Variants in TBC1D10B observed in about 807,000 individuals in gnomAD.
TBC1D10B encodes the protein TBC1 domain family member 10B.
A neutral mutation model predicts 78.4 loss-of-function variants in TBC1D10B; 25 were observed. The ratio of observed to expected loss-of-function variants is 0.32; its 90% CI spans 0.23 to 0.45. TBC1D10B has a LOEUF of 0.45. TBC1D10B is among the 20% of genes least tolerant of loss of function. The pLI is 1.00. For missense variants in TBC1D10B, 996 were observed against 1,104.8 expected, an observed-to-expected ratio of 0.90 and a Z score of 1.40; for synonymous variants, 517 against 478.0, an observed-to-expected ratio of 1.08 and a Z score of -1.06.
At position 30,359,740 on chromosome 16, in the gene TBC1D10B, T is replaced by C; in HGVS notation, c.1373A>G (p.His458Arg). 6.3e-7 allele frequency: 1 copy of C among 1,584,894 alleles called. No individual in the cohort carries two copies. The change falls in exon 5 of 9, where the codon CAC (histidine) becomes CGC (arginine). Residue 458 changes from histidine (H) to arginine (R), a missense_variant. Transcript: ENST00000409939. Reference sequence around the variant, plus strand: ...CAGGGCGCTGACCTCCGCAGGCATGTGCATGAGCAGGACCGCAGCCACGGG... The same window carrying C: ...CAGGGCGCTGACCTCCGCAGGCATGCGCATGAGCAGGACCGCAGCCACGGG... ...QAPVAAVLLM[H>R]MPAEQAFWCL...
intron 4 of TBC1D10B, 113 bp from the exon 5 acceptor site, chr16:30,359,954 C>T: frequency 4.1e-6 from 4 of 972,204 alleles, no homozygotes; most frequent in Non-Finnish European, 6.1e-6. Context: ...TCCACCTGCC[C>T]AGTCCTGCTG....
rs1215381337 is a variant in TBC1D10B, at chr16:30,358,659, C to T, written c.1797+4G>A. The T allele has an allele frequency of 1.9e-6, 3 of 1,602,170 alleles. No homozygotes were observed. Among genetic ancestry groups the T allele is most frequent in the African/African-American group, 1.3e-5 (1 of 74,754 alleles). Reference sequence around the variant, plus strand: ...CAGGGGCTGCGTTGAGGGCACAGGCCTACCTCATGCACCAGGAAGTCTTCC... The same window carrying T: ...CAGGGGCTGCGTTGAGGGCACAGGCTTACCTCATGCACCAGGAAGTCTTCC... On this transcript the variant is annotated splice_donor_region_variant and intron_variant, in intron 8 of 8. Transcript: ENST00000409939.
rs1285338883 is a variant in TBC1D10B at position 30,358,564 on chromosome 16, G to A, written c.1807C>T (p.Leu603=). The change falls in exon 9 of 9, where the codon CTG becomes TTG. Residue 603 remains leucine (L), a synonymous_variant. Coordinates refer to ENST00000409939, the MANE Select transcript of TBC1D10B (RefSeq NM_015527.4). The stretch of plus-strand genomic sequence containing the variant: ...TCAATCAGTGCTTCTGTCACCGGCA[G>A]ATTGGTCACCTGCACAGAGAGGAAA... The part of the protein sequence containing the change: ...EDFLVHEVTN[L]PVTEALIERE... 2 of 1,599,952 alleles carry A rather than the reference G, an allele frequency of 1.3e-6. No individual in the cohort carries two copies. The highest frequency in any genetic ancestry group is 1.7e-6 in the Non-Finnish European group (2 of 1,169,438).
chr16:30,364,381 C>T (rs527583610), intron 4 of TBC1D10B, among the ~76,000 whole-genome samples: 11 of 152,068 alleles, frequency 7.2e-5, no homozygotes, highest in African/African-American at 2.2e-4. Context: ...GCAGAGGTTG[C>T]AGTGGGCTGA....
At chr16:30,368,360 A>G (rs368550738) in intron 1 of TBC1D10B, among the ~76,000 whole-genome samples, 6 of 152,232 alleles carry the variant, frequency 3.9e-5, no homozygotes, top group East Asian at 1.9e-4. Flanking sequence ...ATTGAAACCA[A>G]CTGTTTAAGT....
chr16:30,362,781 T>C (rs2049607562), intron 4 of TBC1D10B, among the ~76,000 whole-genome samples: 2 of 152,318 alleles, frequency 1.3e-5, no homozygotes, highest in Middle Eastern at 6.8e-3. Flanking sequence ...CTCACACCTG[T>C]AATCCCAGCA....
At chr16:30,360,966 T>A (rs556264206) in intron 4 of TBC1D10B, among the ~76,000 whole-genome samples, 51 of 151,842 alleles carry the variant, frequency 3.4e-4, no homozygotes, top group Admixed American at 3.9e-4. Context: ...CATACCCACA[T>A]GCTGTTATTT....
chr16:30,359,105 T>G (rs942120841), intron 7 of TBC1D10B, 67 bp downstream of exon 7: 2 of 1,510,854 alleles, frequency 1.3e-6, no homozygotes, highest in Non-Finnish European at 1.8e-6. Flanking sequence ...ACCAGAAATA[T>G]GACAGAACCC....
rs2049675087 is a variant in TBC1D10B, at chr16:30,370,049, G to A, written c.135C>T (p.Ala45=). 7 of 1,229,368 alleles carry A rather than the reference G, an allele frequency of 5.7e-6. No individual in the cohort carries two copies. The South Asian group carries it at 2.4e-4, about 43-fold the overall frequency. The allele number at this position is 1,229,368 out of a possible 1,614,324, so 76.2% of individuals were successfully genotyped here. ...CCACCAGGGTGACGGGGGCCGAAGT[G>A]GCCGTAGTCACTGGAGGTCCCGGAG... ...VVAPGPPVTT[A]TSAPVTLVAP... is the part of the protein sequence containing the mutation. The change falls in exon 1 of 9, where the codon GCC becomes GCT. Residue 45 remains alanine, a synonymous_variant. Coordinates refer to ENST00000409939, the MANE Select transcript of TBC1D10B (RefSeq NM_015527.4).
intron 1 of TBC1D10B, among the ~76,000 whole-genome samples, chr16:30,368,630 G>A (rs2049655884): frequency 6.6e-6 from 1 of 152,138 alleles, no homozygotes; most frequent in South Asian, 2.1e-4. Context: ...AAATGGGGAA[G>A]AGGCCTCTCC....
intron 4 of TBC1D10B, among the ~76,000 whole-genome samples, chr16:30,360,550 T>A (rs1338342382): frequency 1.3e-5 from 2 of 152,040 alleles, no homozygotes; most frequent in East Asian, 3.9e-4. Context: ...GTCTCACACA[T>A]CCTCCTCCTG....
At chr16:30,366,423 T>G (rs1040441146) in intron 1 of TBC1D10B, 1 of 151,984 alleles carries the variant, frequency 6.6e-6, no homozygotes, top group South Asian at 2.1e-4. Flanking sequence ...GAGAATCGCT[T>G]GAACCCGGGA....
rs1050533261 is a variant in TBC1D10B, at chr16:30,369,848, T to C, written c.336A>G (p.Pro112=). ...KPQLPSGPES[P]EPAAVAGVET... is the part of the protein sequence containing the mutation. ...CAACTCCAGCCACTGCCGCGGGCTCTGGGGATTCCGGGCCGGAGGGGAGCT... is the reference window on the plus strand; with the variant it reads ...CAACTCCAGCCACTGCCGCGGGCTCCGGGGATTCCGGGCCGGAGGGGAGCT... The change falls in exon 1 of 9, where the codon CCA becomes CCG. Residue 112 remains proline (P), a synonymous_variant. Coordinates refer to ENST00000409939, the MANE Select transcript of TBC1D10B (RefSeq NM_015527.4). The surrounding 1 kb of genome is among the most constrained non-coding windows in gnomAD (Gnocchi z 4.3). 1.4e-6 allele frequency: 2 copies of C among 1,406,344 alleles called. No homozygotes were observed. The highest frequency in any genetic ancestry group is 1.8e-4 in the Middle Eastern group (1 of 5,414). The allele number at this position is 1,406,344 out of a possible 1,614,324, so 87.1% of individuals were successfully genotyped here. A position where few individuals can be genotyped will look rare whatever the true frequency, so the allele number is the denominator to read the frequency against.
At chr16:30,368,971 T>TTG (rs1947075990) in intron 1 of TBC1D10B, among the ~76,000 whole-genome samples, 1 of 152,178 alleles carries the variant, frequency 6.6e-6, no homozygotes, top group Admixed American at 6.5e-5. Flanking sequence ...GGGAAGCCAC[T>TTG]AGCTCAAGGG....
intron 4 of TBC1D10B, among the ~76,000 whole-genome samples, chr16:30,361,530 C>T (rs893199827): frequency 2.6e-5 from 4 of 151,544 alleles, no homozygotes; most frequent in African/African-American, 4.9e-5. Flanking sequence ...CCCAGGTTCA[C>T]GCAATTCTCC....
In TBC1D10B at chr16:30,369,716, G is replaced by A. The variant is rs1186373631; in HGVS notation, c.468C>T (p.Thr156=). The A allele has an allele frequency of 6.7e-7, 1 of 1,488,090 alleles. No homozygotes were observed. The highest frequency in any genetic ancestry group is 8.9e-7 in the Non-Finnish European group (1 of 1,118,116). The allele number at this position is 1,488,090 out of a possible 1,614,324, so 92.2% of individuals were successfully genotyped here. A position where few individuals can be genotyped will look rare whatever the true frequency, so the allele number is the denominator to read the frequency against. Residue 156 remains threonine (T), a synonymous_variant, in exon 1 of 9, where the codon ACC becomes ACT. Coordinates refer to ENST00000409939, the MANE Select transcript of TBC1D10B (RefSeq NM_015527.4). This position sits in a 1 kb window ranked among gnomAD's most constrained non-coding sequence, Gnocchi z 4.3. ...GGGCACCAGGAGCCGTTCTGGAAGG[G>A]GTCCTGGTAGGGGTCCCGGTGGGGG... is the stretch of plus-strand genomic sequence containing the variant. ...PGTPTGTPTR[T]PSRTAPGALT... is the part of the protein sequence containing the mutation.
chr16:30,365,994 C>G lies in TBC1D10B; in HGVS notation c.957-400G>C, dbSNP rs1412492561. ...AGGTGGAGAAAGTAACAATATCTAC[C>G]CGAAGGGGTTTATACGAAATAACAC... On this transcript the variant is annotated intron_variant, in intron 1 of 8. Transcript: ENST00000409939. This position sits in a 1 kb window ranked among gnomAD's most constrained non-coding sequence, Gnocchi z 5.0. The G allele has an allele frequency of 4.4e-6, 1 of 228,284 alleles. No individual in the cohort carries two copies. Among genetic ancestry groups the G allele is most frequent in the African/African-American group, 2.2e-5 (1 of 45,080 alleles). The allele number at this position is 228,284 out of a possible 1,614,324, so 14.1% of individuals were successfully genotyped here. A position where few individuals can be genotyped will look rare whatever the true frequency, so the allele number is the denominator to read the frequency against.
Position 30,358,381 on chromosome 16 carries a change from C to G in TBC1D10B, c.1990G>C (p.Gly664Arg). The change falls in exon 9 of 9, where the codon GGC becomes CGC. Residue 664 changes from glycine to arginine, a missense_variant. Gly to Arg is a moderately radical substitution (Grantham distance 125, BLOSUM62 -2). This residue lies in a region of TBC1D10B where 285 missense variants were observed against 252.5 expected (regional missense o/e 1.13). Transcript: ENST00000409939. ...GCCCGGGAGCCTCGGCTCTTGAGGC[C>G]AGGGAGGCTGAGGAGGCTGGAGGAG... is the stretch of plus-strand genomic sequence containing the variant. Reference protein sequence around the residue: ...GPSSSLLSLPGLKSRGSRAAG... With the variant: ...GPSSSLLSLPRLKSRGSRAAG... The G allele has an allele frequency of 6.4e-7, 1 of 1,565,036 alleles. No homozygotes were observed. Among genetic ancestry groups the G allele is most frequent in the South Asian group, 1.2e-5 (1 of 85,306 alleles).
intron 4 of TBC1D10B, among the ~76,000 whole-genome samples, chr16:30,363,986 G>A (rs773538613): frequency 4.0e-5 from 6 of 151,794 alleles, no homozygotes; most frequent in Non-Finnish European, 7.4e-5. Flanking sequence ...GTGTGGTGGC[G>A]CGCACCTGTA....
Sources: allele counts gnomAD v4.1 joint callset (sites outside exome capture counted in the v4.1 genomes callset), GRCh38; gene constraint gnomAD v4.1.1; regional missense constraint gnomAD v4.1.1; non-coding constraint Gnocchi (gnomAD v3.1); transcripts MANE v1.5; gene names NCBI Gene and HGNC (gene_info 2026-07-23, HGNC 2026-07-21).